The following C8orf34 variants were observed in gnomAD, a reference collection of about 807,000 sequenced individuals.
C8orf34 encodes the protein uncharacterized protein C8orf34.
In C8orf34, 65 loss-of-function variants were observed where a neutral mutation model predicts 68.3. That is an observed-to-expected ratio of 0.95 (90% confidence interval 0.78 to 1.17). C8orf34 has a LOEUF of 1.17. C8orf34 is among the 50% of genes most tolerant of loss of function. The probability of loss-of-function intolerance (pLI) is 0.00; values close to 1 mark genes in which losing one functional copy is unlikely to be tolerated. For synonymous variants in C8orf34, 244 were observed against 241.2 expected (o/e 1.01, Z -0.11); for missense variants, 664 against 655.4 (o/e 1.01, Z -0.14).
At chr8:68,413,650 G>A (rs1191315533) in intron 1 of C8orf34, among the ~76,000 whole-genome samples, 1 of 152,132 alleles carries the variant, frequency 6.6e-6, no homozygotes, top group East Asian at 1.9e-4. Flanking sequence ...CACCTAGGTG[G>A]TGTCATTCTT....
intron 12 of C8orf34, among the ~76,000 whole-genome samples, chr8:68,797,027 A>G (rs939532348): frequency 2.0e-4 from 30 of 152,116 alleles, no homozygotes; most frequent in African/African-American, 7.2e-4. Flanking sequence ...GGGTTTCACC[A>G]TGTTGGTCAG....
chr8:68,535,979 A>C (rs1439908158), intron 7 of C8orf34, among the ~76,000 whole-genome samples: 2 of 152,178 alleles, frequency 1.3e-5, no homozygotes, highest in Non-Finnish European at 2.9e-5. Context: ...TCGTTCTGGC[A>C]ATTAATGACC....
At chr8:68,638,307 C>CTT (rs146220027) in intron 7 of C8orf34, among the ~76,000 whole-genome samples, 1 of 139,288 alleles carries the variant, frequency 7.2e-6, no homozygotes, top group Non-Finnish European at 1.6e-5. Flanking sequence ...AAAGCTAGAA[C>CTT]TTTTTTTTTT....
At chr8:68,553,004 ATTGTTGTTTTGTTTT>A (rs1816125920) in intron 7 of C8orf34, among the ~76,000 whole-genome samples, 1 of 152,004 alleles carries the variant, frequency 6.6e-6, no homozygotes, top group Non-Finnish European at 1.5e-5. Context: ...TATAAGAGAT[ATTGTTGTTTTGTTTT>A]ATTTTATTTT....
chr8:68,718,591 T>A (rs1821543224), intron 9 of C8orf34, among the ~76,000 whole-genome samples: 2 of 152,204 alleles, frequency 1.3e-5, no homozygotes, highest in Non-Finnish European at 2.9e-5. Flanking sequence ...TTGAATAGTA[T>A]CCAAAAGTGC....
intron 1 of C8orf34, among the ~76,000 whole-genome samples, chr8:68,379,691 C>T (rs1033214877): frequency 3.9e-5 from 6 of 152,098 alleles, no homozygotes; most frequent in Non-Finnish European, 5.9e-5. Flanking sequence ...AACAAGCAAA[C>T]GTGTACAAAA....
At chr8:68,777,951 G>T (rs1823568855) in intron 11 of C8orf34, among the ~76,000 whole-genome samples, 1 of 152,014 alleles carries the variant, frequency 6.6e-6, no homozygotes, top group South Asian at 2.1e-4. Flanking sequence ...CTTTCTTAGG[G>T]GTTTAGTATT....
chr8:68,635,165 G>A (rs561470020), intron 7 of C8orf34, among the ~76,000 whole-genome samples: 1 of 152,272 alleles, frequency 6.6e-6, no homozygotes, highest in South Asian at 2.1e-4. Flanking sequence ...TCAAAATGCA[G>A]TCATAAAATT....
chr8:68,358,664 T>C (rs949728677), intron 1 of C8orf34, among the ~76,000 whole-genome samples: 1 of 151,900 alleles, frequency 6.6e-6, no homozygotes, highest in Non-Finnish European at 1.5e-5. Context: ...ATTCTTTTTT[T>C]TTTGGAGGGG....
intron 6 of C8orf34, 72 bp from the exon 7 acceptor site, chr8:68,532,911 T>C: frequency 8.7e-7 from 1 of 1,149,374 alleles, no homozygotes; most frequent in Non-Finnish European, 1.2e-6. Flanking sequence ...TGTAATAAAA[T>C]AACCAAATGG....
chr8:68,610,429 T>G (rs1817982413), intron 7 of C8orf34, among the ~76,000 whole-genome samples: 1 of 152,178 alleles, frequency 6.6e-6, no homozygotes, highest in Non-Finnish European at 1.5e-5. Context: ...TCTGATTCAT[T>G]CCTAGGGGAT....
At chr8:68,694,955 G>C (rs1365308278) in intron 8 of C8orf34, among the ~76,000 whole-genome samples, 2 of 151,832 alleles carry the variant, frequency 1.3e-5, no homozygotes, top group Non-Finnish European at 2.9e-5. Context: ...AATAACGGAA[G>C]CAATTTAATA....
At chr8:68,654,745 T>G (rs1181251884) in intron 8 of C8orf34, among the ~76,000 whole-genome samples, 2 of 152,158 alleles carry the variant, frequency 1.3e-5, no homozygotes, top group African/African-American at 4.8e-5. Flanking sequence ...TTTCTACATT[T>G]TAATATAAAT....
At chr8:68,509,713 A>G (rs1436031859) in intron 5 of C8orf34, among the ~76,000 whole-genome samples, 1 of 152,174 alleles carries the variant, frequency 6.6e-6, no homozygotes, top group Admixed American at 6.5e-5. Flanking sequence ...AGAGGGGAGC[A>G]GGCATCCCTG....
intron 10 of C8orf34, among the ~76,000 whole-genome samples, chr8:68,771,120 C>A (rs1446318998): frequency 6.6e-6 from 1 of 152,090 alleles, no homozygotes; most frequent in Non-Finnish European, 1.5e-5. Flanking sequence ...TAGCATCTGG[C>A]ATATATGTAG....
chr8:68,603,550 T>C (rs1817766486), intron 7 of C8orf34, among the ~76,000 whole-genome samples: 3 of 151,452 alleles, frequency 2.0e-5, no homozygotes, highest in East Asian at 1.9e-4. Context: ...TCTATCTATC[T>C]ATCTATCTAT....
intron 7 of C8orf34, among the ~76,000 whole-genome samples, chr8:68,589,976 T>C (rs939615130): frequency 7.4e-6 from 1 of 134,978 alleles, no homozygotes; most frequent in African/African-American, 2.8e-5. Context: ...AAGGAGGACA[T>C]TTAGCAGCAT....
At chr8:68,608,032 C>A (rs6472411) in intron 7 of C8orf34, among the ~76,000 whole-genome samples, 44,793 of 151,670 alleles carry the variant, frequency 0.3, 8,415 homozygotes, top group African/African-American at 0.55. Context: ...TAGTAGGAAA[C>A]AATATAGTAG....
rs918878107 is a variant in C8orf34 at position 68,795,259 on chromosome 8, G to A, written c.1549+7723G>A. On this transcript the variant is annotated intron_variant, in intron 12 of 13. Transcript: ENST00000518698. Reference sequence around the variant, plus strand: ...TGTTTGAATATATTATAGTAGCCCCGATTAAAAGTCTTTGTCTGGTAAGTT... The same window carrying A: ...TGTTTGAATATATTATAGTAGCCCCAATTAAAAGTCTTTGTCTGGTAAGTT... 4.7e-5 allele frequency among the ~76,000 whole-genome samples: 7 copies of A among 149,908 alleles called. No homozygotes were observed. The South Asian group carries it at 8.4e-4, about 18-fold the overall frequency.
Sources: allele counts gnomAD v4.1 joint callset (sites outside exome capture counted in the v4.1 genomes callset), GRCh38; gene constraint gnomAD v4.1.1; transcripts MANE v1.5; gene names NCBI Gene and HGNC (gene_info 2026-07-23, HGNC 2026-07-21).